The following FBXO40 variants were observed in gnomAD, a reference collection of about 807,000 sequenced individuals.
FBXO40 encodes F-box protein 40, also known as F-box only protein 40.
Under a neutral mutation model 49.9 loss-of-function variants are expected in FBXO40, and 50 were observed. That is an observed-to-expected ratio of 1.00 (90% CI 0.80 to 1.27). FBXO40 has a LOEUF of 1.27. Ranked by LOEUF, FBXO40 falls within the 50% of genes most tolerant of loss-of-function variation. The pLI is 0.00. For missense variants in FBXO40, 895 were observed against 870.1 expected, an observed-to-expected ratio of 1.03 and a Z score of -0.36; for synonymous variants, 340 against 320.2, an observed-to-expected ratio of 1.06 and a Z score of -0.66.
intron 1 of FBXO40, among the ~76,000 whole-genome samples, chr3:121,604,619 G>A (rs2048921345): frequency 6.6e-6 from 1 of 152,172 alleles, no homozygotes; most frequent in Non-Finnish European, 1.5e-5. Context: ...AAGAAATATT[G>A]TCTGAGTTAT....
intron 2 of FBXO40, 127 bp downstream of exon 2, chr3:121,620,705 A>G: frequency 8.7e-7 from 1 of 1,153,926 alleles, no homozygotes; most frequent in Non-Finnish European, 1.3e-6. Flanking sequence ...CTTTTTTCCA[A>G]ACTAGAGATG....
intron 1 of FBXO40, among the ~76,000 whole-genome samples, chr3:121,614,269 C>CAA (rs35824526): frequency 0.25 from 19,282 of 77,150 alleles, 2,597 homozygotes; most frequent in Non-Finnish European, 0.32. Context: ...GACTCTAGCT[C>CAA]AAAAAAAAAA....
chr3:121,594,361 T>C (rs1341474788), intron 1 of FBXO40, among the ~76,000 whole-genome samples: 1 of 151,332 alleles, frequency 6.6e-6, no homozygotes, highest in African/African-American at 2.4e-5. Context: ...CCACCACGCC[T>C]GGCTAATTTT....
Position 121,621,453 on chromosome 3 carries a change from G to T in FBXO40, c.24G>T (p.Pro8=), listed in dbSNP as rs764262347. MGKARRS[P]PGHHRHCEGC... is the part of the protein sequence containing the mutation. ...TCCAGGGGAAAGCCCGCAGATCCCC[G>T]CCAGGGCACCACAGGCATTGTGAGG... Residue 8 remains proline (P), a synonymous_variant, in exon 3 of 4, where the codon CCG becomes CCT. Coordinates refer to ENST00000338040, the MANE Select transcript of FBXO40 (RefSeq NM_016298.4). The T allele has an allele frequency of 1.2e-6, 2 of 1,613,578 alleles. No individual in the cohort carries two copies. Among genetic ancestry groups the T allele is most frequent in the Non-Finnish European group, 1.7e-6 (2 of 1,179,722 alleles).
At chr3:121,607,531 G>T (rs1332429087) in intron 1 of FBXO40, among the ~76,000 whole-genome samples, 1 of 151,686 alleles carries the variant, frequency 6.6e-6, no homozygotes, top group East Asian at 2.0e-4. Flanking sequence ...GGATGGTCTC[G>T]ATCTCCTGAC....
At chr3:121,613,348 G>A (rs1401554002) in intron 1 of FBXO40, among the ~76,000 whole-genome samples, 1 of 152,142 alleles carries the variant, frequency 6.6e-6, no homozygotes, top group Non-Finnish European at 1.5e-5. Flanking sequence ...ATAAGAACAA[G>A]TAAGCAGACC....
At chr3:121,606,885 T>C (rs1419159184) in intron 1 of FBXO40, among the ~76,000 whole-genome samples, 1 of 152,180 alleles carries the variant, frequency 6.6e-6, no homozygotes, top group Non-Finnish European at 1.5e-5. Context: ...AGGATAGGTA[T>C]TGGGTTATGC....
intron 1 of FBXO40, among the ~76,000 whole-genome samples, chr3:121,594,163 T>C (rs966540683): frequency 3.3e-5 from 5 of 151,734 alleles, no homozygotes; most frequent in Non-Finnish European, 7.4e-5. Flanking sequence ...CCACTGTGCC[T>C]GGCCCAGAAT....
rs1401690835 is a variant in FBXO40, at chr3:121,629,056, T to C, written c.*2146T>C. ...CCAACAAAAGAAACAATCTAGTCAA[T>C]CTGGGTGCTTTTATTTCCTGGGTTC... is the stretch of plus-strand genomic sequence containing the variant. On this transcript the variant is annotated 3_prime_UTR_variant, in exon 4 of 4. Transcript: ENST00000338040. The C allele has an allele frequency of 2.0e-5, 3 of 152,198 alleles. No individual in the cohort carries two copies. The highest frequency in any genetic ancestry group is 4.4e-5 in the Non-Finnish European group (3 of 68,032). 9.4% of individuals were successfully genotyped at this position (152,198 alleles called of 1,614,324 possible).
At chr3:121,626,174 A>G (rs186307684) in intron 3 of FBXO40, among the ~76,000 whole-genome samples, 35 of 152,272 alleles carry the variant, frequency 2.3e-4, no homozygotes, top group African/African-American at 8.2e-4. Flanking sequence ...AATGCCCCCA[A>G]ATGACATCTC....
chr3:121,621,460 C>A lies in FBXO40; in HGVS notation c.31C>A (p.His11Asn). Residue 11 changes from histidine (H) to asparagine (N), a missense_variant, in exon 3 of 4, where the codon CAC (histidine) becomes AAC (asparagine). His to Asn is a moderately conservative substitution (Grantham distance 68). Coordinates refer to ENST00000338040, the MANE Select transcript of FBXO40 (RefSeq NM_016298.4). The part of the protein sequence containing the change: MGKARRSPPG[H>N]HRHCEGCFNR... ...GAAAGCCCGCAGATCCCCGCCAGGG[C>A]ACCACAGGCATTGTGAGGGATGCTT... The A allele has an allele frequency of 6.2e-7, 1 of 1,613,884 alleles. No homozygotes were observed. The highest frequency in any genetic ancestry group is 8.5e-7 in the Non-Finnish European group (1 of 1,179,852).
intron 3 of FBXO40, among the ~76,000 whole-genome samples, chr3:121,626,221 G>A (rs1423861996): frequency 6.6e-6 from 1 of 152,012 alleles, no homozygotes; most frequent in Non-Finnish European, 1.5e-5. Context: ...CTCAATAATG[G>A]CTACATTGTA....
chr3:121,608,889 G>C (rs1392859093), intron 1 of FBXO40, among the ~76,000 whole-genome samples: 1 of 152,170 alleles, frequency 6.6e-6, no homozygotes, highest in African/African-American at 2.4e-5. Flanking sequence ...AAGGAAAAAT[G>C]GCTTATCCAA....
chr3:121,600,395 A>C (rs974207192), intron 1 of FBXO40, among the ~76,000 whole-genome samples: 1 of 152,044 alleles, frequency 6.6e-6, no homozygotes, highest in Non-Finnish European at 1.5e-5. Flanking sequence ...ATATCCTCTG[A>C]AATGCAAAGC....
intron 1 of FBXO40, among the ~76,000 whole-genome samples, chr3:121,613,094 C>T (rs1464132249): frequency 6.7e-6 from 1 of 148,690 alleles, no homozygotes; most frequent in African/African-American, 2.5e-5. Flanking sequence ...AAAAAATTCT[C>T]TTAAGCCCAT....
chr3:121,599,671 CAT>C (rs1429408071), intron 1 of FBXO40, among the ~76,000 whole-genome samples: 38 of 76,974 alleles, frequency 4.9e-4, no homozygotes, highest in Admixed American at 1.2e-3. Flanking sequence ...CACACACACA[CAT>C]GCACACACAC....
chr3:121,624,235 C>A (rs1430766238), intron 3 of FBXO40, among the ~76,000 whole-genome samples: 2 of 152,052 alleles, frequency 1.3e-5, no homozygotes, highest in Non-Finnish European at 2.9e-5. Context: ...GGTGATCCAC[C>A]CGCCTCAGCC....
chr3:121,622,273 A>G lies in FBXO40; in HGVS notation c.844A>G (p.Met282Val), dbSNP rs745428254. Residue 282 changes from methionine to valine, a missense_variant, in exon 3 of 4, where the codon ATG (methionine) becomes GTG (valine). Physicochemically the swap from Met to Val is conservative, Grantham distance 21. Transcript: ENST00000338040. ...NQKQQDVRTAMETTGLAPWQD... is the reference protein window; with the variant it reads ...NQKQQDVRTAVETTGLAPWQD... ...GAAGCAGCAGGACGTTCGTACAGCC[A>G]TGGAAACCACAGGGCTTGCCCCTTG... The G allele has an allele frequency of 2.5e-6, 4 of 1,614,260 alleles. No individual in the cohort carries two copies. Among genetic ancestry groups the G allele is most frequent in the Non-Finnish European group, 3.4e-6 (4 of 1,180,050 alleles).
intron 1 of FBXO40, among the ~76,000 whole-genome samples, chr3:121,599,207 C>T (rs1381742704): frequency 1.3e-5 from 2 of 152,112 alleles, no homozygotes; most frequent in Non-Finnish European, 2.9e-5. Flanking sequence ...GTGGCTCACA[C>T]CTGTAATCCT....
Sources: allele counts gnomAD v4.1 joint callset (sites outside exome capture counted in the v4.1 genomes callset), GRCh38; gene constraint gnomAD v4.1.1; transcripts MANE v1.5; gene names NCBI Gene and HGNC (gene_info 2026-07-23, HGNC 2026-07-21).